The following IL1RAPL1 variants were observed in gnomAD, a reference collection of about 807,000 sequenced individuals.
IL1RAPL1 encodes the protein interleukin 1 receptor accessory protein like 1.
In IL1RAPL1, 3 loss-of-function variants were observed where a neutral mutation model predicts 48.4. The ratio of observed to expected loss-of-function variants is 0.06; its 90% CI spans 0.03 to 0.16. The LOEUF (loss-of-function observed/expected upper bound fraction) is 0.16, where lower values mean the gene tolerates loss of function less well. Ranked by LOEUF, IL1RAPL1 falls within the 10% of genes least tolerant of loss-of-function variation. The pLI is 1.00. For missense variants in IL1RAPL1, 349 were observed against 530.6 expected, an observed-to-expected ratio of 0.66 and a Z score of 3.36; for synonymous variants, 185 against 187.7, an observed-to-expected ratio of 0.99 and a Z score of 0.12.
Position 28,598,777 on chromosome X carries a change from C to T in IL1RAPL1, c.-25+10730C>T, listed in dbSNP as rs139436449. On this transcript the variant is annotated intron_variant, in intron 1 of 10. Coordinates refer to ENST00000378993, the MANE Select transcript of IL1RAPL1 (RefSeq NM_014271.4). ...CCGAGTAGCTGGGATTACAGGTGTGCGCCACCACACCCGGCTAATTTTGTA... is the reference window on the plus strand; with the variant it reads ...CCGAGTAGCTGGGATTACAGGTGTGTGCCACCACACCCGGCTAATTTTGTA... Among the ~76,000 whole-genome samples, 495 of 108,562 alleles carry T rather than the reference C, an allele frequency of 4.6e-3. 3 individuals are homozygous for T. The highest frequency in any genetic ancestry group is 0.015 in the African/African-American group (446 of 29,983). The allele number at this position is 108,562 out of a possible 115,157, so 94.3% of individuals were successfully genotyped here.
chrX:29,956,680 TATAA>T lies in IL1RAPL1; in HGVS notation c.*864_*867del, dbSNP rs1170524977. 2.5e-5 allele frequency: 2 copies of T among 80,182 alleles called. No individual in the cohort carries two copies. Among genetic ancestry groups the T allele is most frequent in the African/African-American group, 9.2e-5 (2 of 21,750 alleles). The allele number at this position is 80,182 out of a possible 1,213,427, so 6.6% of individuals were successfully genotyped here. A position where few individuals can be genotyped will look rare whatever the true frequency, so the allele number is the denominator to read the frequency against. On this transcript the variant is annotated 3_prime_UTR_variant, in exon 11 of 11. Transcript: ENST00000378993. ...ATATATATATACATATATATATAAA[TATAA>T]ATATATATAAAAACAACAAAACAAA...
At chrX:28,844,489 C>G (rs1921458543) in intron 2 of IL1RAPL1, among the ~76,000 whole-genome samples, 1 of 109,810 alleles carries the variant, frequency 9.1e-6, no homozygotes, top group South Asian at 4.0e-4. Context: ...GGCCAATCAT[C>G]AGACATGAGC....
In IL1RAPL1 at chrX:28,605,901, C is replaced by T. The variant is rs190852777; in HGVS notation, c.-25+17854C>T. ...TCTCTTTGTTTGGAGCATTATTTAC[C>T]CAGAAGTCTCAAGGCTAACTTCCTC... On this transcript the variant is annotated intron_variant, in intron 1 of 10. Coordinates refer to ENST00000378993, the MANE Select transcript of IL1RAPL1 (RefSeq NM_014271.4). Among the ~76,000 whole-genome samples, 3 of 110,316 alleles carry T rather than the reference C, an allele frequency of 2.7e-5. No individual in the cohort carries two copies. In the Admixed American group the frequency reaches 2.9e-4, roughly 11 times the overall value.
chrX:28,896,043 G>A (rs889783282), intron 2 of IL1RAPL1, among the ~76,000 whole-genome samples: 1 of 112,147 alleles, frequency 8.9e-6, no homozygotes, highest in African/African-American at 3.2e-5. Context: ...CCAGATTTCC[G>A]GCACTTGTAG....
intron 5 of IL1RAPL1, among the ~76,000 whole-genome samples, chrX:29,568,791 C>G (rs1451092115): frequency 1.8e-5 from 2 of 110,691 alleles, no homozygotes; most frequent in African/African-American, 3.3e-5. Context: ...TAATAGAGAC[C>G]AAGAGTTTTC....
At chrX:29,925,526 C>T (rs1468069714) in intron 8 of IL1RAPL1, among the ~76,000 whole-genome samples, 3 of 96,542 alleles carry the variant, frequency 3.1e-5, no homozygotes, top group Non-Finnish European at 6.0e-5. Context: ...TGTACCTCTG[C>T]ACTTCTTTTA....
intron 3 of IL1RAPL1, among the ~76,000 whole-genome samples, chrX:29,295,167 A>G (rs1226884482): frequency 1.8e-5 from 2 of 112,151 alleles, no homozygotes; most frequent in Non-Finnish European, 3.8e-5. Flanking sequence ...TTGATTGGAT[A>G]TATTCTGAGC....
At chrX:29,924,311 T>C (rs1932868690) in intron 8 of IL1RAPL1, among the ~76,000 whole-genome samples, 1 of 112,365 alleles carries the variant, frequency 8.9e-6, no homozygotes, top group Admixed American at 9.5e-5. Context: ...ATTAAAATCA[T>C]CAGCTTTAGC....
intron 5 of IL1RAPL1, among the ~76,000 whole-genome samples, chrX:29,416,171 G>T (rs1934213228): frequency 8.9e-6 from 1 of 111,780 alleles, no homozygotes; most frequent in African/African-American, 3.2e-5. Flanking sequence ...TAGAAATGTG[G>T]ATAATGGTAC....
intron 5 of IL1RAPL1, among the ~76,000 whole-genome samples, chrX:29,638,193 T>C (rs1925035554): frequency 9.0e-6 from 1 of 111,293 alleles, no homozygotes; most frequent in African/African-American, 3.3e-5. Flanking sequence ...ACATTTTTCT[T>C]GGTTACTCCA....
chrX:29,913,805 T>C (rs1932777929), intron 6 of IL1RAPL1, among the ~76,000 whole-genome samples: 1 of 111,239 alleles, frequency 9.0e-6, no homozygotes, highest in Admixed American at 9.6e-5. Context: ...AATGGAAGTC[T>C]CACATTTTCC....
chrX:29,566,161 G>A (rs765165153), intron 5 of IL1RAPL1, among the ~76,000 whole-genome samples: 74 of 111,697 alleles, frequency 6.6e-4, no homozygotes, highest in African/African-American at 2.4e-3. Context: ...GGATGGTCTC[G>A]ATCTCCTGAC....
At chrX:29,054,986 C>G (rs1324672947) in intron 2 of IL1RAPL1, among the ~76,000 whole-genome samples, 1 of 111,550 alleles carries the variant, frequency 9.0e-6, no homozygotes, top group Non-Finnish European at 1.9e-5. Context: ...TGGACTAGGT[C>G]AAATACATGT....
intron 1 of IL1RAPL1, among the ~76,000 whole-genome samples, chrX:28,784,870 C>T (rs1438145028): frequency 9.0e-6 from 1 of 111,622 alleles, no homozygotes; most frequent in African/African-American, 3.3e-5. Context: ...CTTCTTTCCT[C>T]TGAATCTCTT....
chrX:29,245,503 G>T (rs1303914435), intron 2 of IL1RAPL1, among the ~76,000 whole-genome samples: 3 of 111,831 alleles, frequency 2.7e-5, no homozygotes, highest in Non-Finnish European at 5.6e-5. Context: ...TTGTGGTTTT[G>T]ATTTGCATTT....
intron 6 of IL1RAPL1, among the ~76,000 whole-genome samples, chrX:29,844,924 A>C (rs1242435315): frequency 8.9e-6 from 1 of 112,319 alleles, no homozygotes; most frequent in East Asian, 2.8e-4. Flanking sequence ...GAACAGGAGA[A>C]GCCACAGAGA....
At chrX:29,376,169 T>C (rs1399004642) in intron 3 of IL1RAPL1, among the ~76,000 whole-genome samples, 1 of 111,601 alleles carries the variant, frequency 9.0e-6, no homozygotes, top group African/African-American at 3.3e-5. Flanking sequence ...GATTGTTAAT[T>C]TGAGATCTTT....
At chrX:29,162,570 C>T (rs1473143208) in intron 2 of IL1RAPL1, among the ~76,000 whole-genome samples, 2 of 109,665 alleles carry the variant, frequency 1.8e-5, no homozygotes, top group Non-Finnish European at 3.8e-5. Context: ...ATATAGTATA[C>T]ATTAATACCT....
At chrX:29,925,526 C>A (rs1468069714) in intron 8 of IL1RAPL1, among the ~76,000 whole-genome samples, 1 of 96,542 alleles carries the variant, frequency 1.0e-5, no homozygotes, top group African/African-American at 3.9e-5. Flanking sequence ...TGTACCTCTG[C>A]ACTTCTTTTA....
Sources: allele counts gnomAD v4.1 joint callset (sites outside exome capture counted in the v4.1 genomes callset), GRCh38; gene constraint gnomAD v4.1.1; transcripts MANE v1.5; gene names NCBI Gene and HGNC (gene_info 2026-07-23, HGNC 2026-07-21).